Variants in ANO4 observed in about 807,000 individuals in gnomAD.
ANO4 encodes the protein anoctamin-4.
In ANO4, 69 loss-of-function variants were observed where a neutral mutation model predicts 141.9. The observed-to-expected ratio is 0.49, with a 90% CI of 0.40 to 0.59. The LOEUF is 0.59. ANO4 is among the 20% of genes least tolerant of loss of function. ANO4 has a pLI of 0.00. For synonymous variants in ANO4, 350 were observed against 394.3 expected (o/e 0.89, Z 1.33); for missense variants, 894 against 1,162.2 (o/e 0.77, Z 3.36).
At chr12:101,013,964 T>G (rs2046208726) in intron 8 of ANO4, among the ~76,000 whole-genome samples, 1 of 152,194 alleles carries the variant, frequency 6.6e-6, no homozygotes, top group African/African-American at 2.4e-5. Flanking sequence ...TGATTTTAGA[T>G]CCAGCATTAA....
At chr12:100,898,619 A>G (rs79371211) in intron 1 of ANO4, among the ~76,000 whole-genome samples, 4,913 of 152,242 alleles carry the variant, frequency 0.032, 211 homozygotes, top group African/African-American at 0.1. Flanking sequence ...CACAATTTCA[A>G]GTTATATATT....
chr12:100,938,637 G>A lies in ANO4; in HGVS notation c.161-678G>A, dbSNP rs1200943792. Among the ~76,000 whole-genome samples, 4 of 152,178 alleles carry A rather than the reference G, an allele frequency of 2.6e-5. No homozygotes were observed. In the East Asian group the frequency reaches 5.8e-4, roughly 22 times the overall value. ...GCTGTAAGGCACTCTGCATTTGAAC[G>A]TGGTAGCCTGTACCTAGAACCGTGA... On this transcript the variant is annotated intron_variant, in intron 3 of 27. Transcript: ENST00000392977.
intron 7 of ANO4, among the ~76,000 whole-genome samples, chr12:100,986,377 C>T (rs781021387): frequency 5.9e-5 from 9 of 152,108 alleles, no homozygotes; most frequent in Non-Finnish European, 1.0e-4. Flanking sequence ...CCTGCCTCCA[C>T]TTTTTTGTCC....
Position 100,979,709 on chromosome 12 carries a change from A to C in ANO4, c.602+4820A>C, listed in dbSNP as rs148235375. Among the ~76,000 whole-genome samples the C allele has an allele frequency of 4.6e-4, 70 of 152,070 alleles. 1 individual carries two copies. The highest frequency in any genetic ancestry group is 1.5e-3 in the African/African-American group (62 of 41,498). ...GGCTTTGAGTGAATAAGAGCTTGAG[A>C]AATAAACTCTTCTTTCTTTTATTTA... On this transcript the variant is annotated intron_variant, in intron 7 of 27. Coordinates refer to ENST00000392977, the MANE Select transcript of ANO4 (RefSeq NM_001286615.2).
At chr12:101,003,181 A>G (rs1465435954) in intron 8 of ANO4, among the ~76,000 whole-genome samples, 1 of 152,258 alleles carries the variant, frequency 6.6e-6, no homozygotes, top group East Asian at 1.9e-4. Context: ...CAAACCCTCA[A>G]ATCTCAGTGG....
intron 14 of ANO4, chr12:101,068,354 G>A (rs541314194): frequency 2.7e-6 from 3 of 1,101,940 alleles, no homozygotes; most frequent in South Asian, 1.2e-5. Context: ...ACTGGGAGAA[G>A]GTAAAGGGTC....
chr12:101,117,450 A>C (rs1038741862), intron 25 of ANO4, among the ~76,000 whole-genome samples: 4 of 152,224 alleles, frequency 2.6e-5, no homozygotes, highest in Non-Finnish European at 2.9e-5. Context: ...GTTAGGCAAT[A>C]TTATCTCATC....
chr12:100,808,150 C>T (rs971446326), intron 1 of ANO4, among the ~76,000 whole-genome samples: 5 of 152,130 alleles, frequency 3.3e-5, no homozygotes, highest in Admixed American at 3.3e-4. Context: ...CACTGACTTC[C>T]ATAATGTCTG....
intron 25 of ANO4, among the ~76,000 whole-genome samples, chr12:101,118,861 TC>T (rs71438411): frequency 1.9e-5 from 2 of 108,010 alleles, no homozygotes; most frequent in Non-Finnish European, 1.9e-5. Flanking sequence ...ATGCTATCCC[TC>T]CCCCCTCCCC....
chr12:100,748,283 A>G (rs552280516), intron 3 of ANO4, among the ~76,000 whole-genome samples: 1 of 152,330 alleles, frequency 6.6e-6, no homozygotes, highest in East Asian at 1.9e-4. Flanking sequence ...TTGATTTCAG[A>G]GATAGAGTGC....
chr12:100,944,686 G>A (rs890828422), intron 5 of ANO4, among the ~76,000 whole-genome samples: 4 of 152,086 alleles, frequency 2.6e-5, no homozygotes, highest in African/African-American at 9.7e-5. Flanking sequence ...CTCTAATGCA[G>A]CCTCCCAGCT....
At chr12:101,091,566 G>A (rs1207255409) in intron 17 of ANO4, among the ~76,000 whole-genome samples, 1 of 152,114 alleles carries the variant, frequency 6.6e-6, no homozygotes, top group Non-Finnish European at 1.5e-5. Context: ...ACTCTCCAGT[G>A]GCTTCTGAAA....
At chr12:100,751,313 C>T (rs189792800) in intron 3 of ANO4, among the ~76,000 whole-genome samples, 107 of 152,088 alleles carry the variant, frequency 7.0e-4, no homozygotes, top group Non-Finnish European at 8.7e-4. Context: ...TCAGTTTGAC[C>T]GCAAGCATGG....
At chr12:100,813,435 C>T (rs1322371451) in intron 1 of ANO4, among the ~76,000 whole-genome samples, 5 of 152,144 alleles carry the variant, frequency 3.3e-5, no homozygotes, top group Admixed American at 6.5e-5. Flanking sequence ...CTCACCTTCC[C>T]GTTTACAATC....
At chr12:101,088,678 T>C (rs1285381596) in intron 17 of ANO4, among the ~76,000 whole-genome samples, 1 of 152,100 alleles carries the variant, frequency 6.6e-6, no homozygotes, top group East Asian at 1.9e-4. Context: ...CATAAAAATA[T>C]GGCCAGGCAC....
chr12:100,934,191 G>A (rs180793369), intron 3 of ANO4, among the ~76,000 whole-genome samples: 2 of 152,266 alleles, frequency 1.3e-5, no homozygotes, highest in Admixed American at 6.5e-5. Context: ...GTCCTGAATA[G>A]TATTGCCTAG....
chr12:100,860,670 C>CT (rs2135887390), intron 1 of ANO4, among the ~76,000 whole-genome samples: 1 of 152,308 alleles, frequency 6.6e-6, no homozygotes, highest in African/African-American at 2.4e-5. Flanking sequence ...TCAAATATCT[C>CT]TTAAGAGCCT....
chr12:100,743,493 G>A (rs2031965830), intron 3 of ANO4, among the ~76,000 whole-genome samples: 1 of 151,814 alleles, frequency 6.6e-6, no homozygotes, highest in African/African-American at 2.4e-5. Context: ...TAATTTATAA[G>A]CTTTGGTTTA....
intron 9 of ANO4, among the ~76,000 whole-genome samples, chr12:101,030,451 C>T (rs946999618): frequency 1.5e-4 from 23 of 151,986 alleles, no homozygotes; most frequent in African/African-American, 5.1e-4. Flanking sequence ...GACAACATAC[C>T]AGAATCTCTG....
Sources: gnomAD v4.1 joint callset for allele counts (sites outside exome capture counted in the v4.1 genomes callset) on GRCh38, gnomAD v4.1.1 for gene constraint, MANE v1.5 for transcripts, NCBI Gene and HGNC (gene_info 2026-07-23, HGNC 2026-07-21) for gene names.